Variants in ZNF213 observed in about 807,000 individuals in gnomAD.
ZNF213 encodes zinc finger protein 213, also known as putative transcription factor CR53.
In ZNF213, 32 loss-of-function variants were observed where a neutral mutation model predicts 46.0. The observed-to-expected ratio is 0.70, with a 90% CI of 0.52 to 0.93. The LOEUF is 0.93. Among genes scored for constraint, ZNF213 ranks in the 40% least tolerant of loss-of-function variants. ZNF213 has a pLI of 0.00. For synonymous variants in ZNF213, 297 were observed against 271.0 expected (o/e 1.10, Z -0.94); for missense variants, 639 against 652.8 (o/e 0.98, Z 0.23).
At position 3,141,293 on chromosome 16, in the gene ZNF213, G is replaced by C. The variant is rs751479213; in HGVS notation, c.1326G>C (p.Ala442=). 1.2e-5 allele frequency: 20 copies of C among 1,606,166 alleles called. No homozygotes were observed. In the African/African-American group the frequency reaches 2.3e-4, roughly 18 times the overall value. ...GCGACAAGAGCTTCAAGCAGCGCGC[G>C]CACCTCATCGCGCATCAGAGCCTGC... is the stretch of plus-strand genomic sequence containing the variant. ...GECDKSFKQR[A]HLIAHQSLHA... is the part of the protein sequence containing the mutation. Residue 442 remains alanine, a synonymous_variant, in exon 6 of 6, where the codon GCG becomes GCC. Transcript: ENST00000396878.
Position 3,140,785 on chromosome 16 carries a change from G to T in ZNF213, c.818G>T (p.Ser273Ile). 1.9e-6 allele frequency: 3 copies of T among 1,593,988 alleles called. No individual in the cohort carries two copies. Among genetic ancestry groups the T allele is most frequent in the South Asian group, 1.1e-5 (1 of 88,634 alleles). The change falls in exon 6 of 6, where the codon AGC becomes ATC. Residue 273 changes from serine (S) to isoleucine (I), a missense_variant. Ser to Ile is a moderately radical substitution (Grantham distance 142). Transcript: ENST00000396878. ...QTGSDVTVSW[S>I]PEEAEAWESE... ...GGCAGCGACGTGACTGTGTCCTGGA[G>T]CCCCGAGGAGGCTGAGGCCTGGGAG...
chr16:3,138,333 T>C (rs1255464667), intron 2 of ZNF213, 85 bp from the exon 3 acceptor site: 1 of 1,581,298 alleles, frequency 6.3e-7, no homozygotes. Context: ...CTGAGGGTCA[T>C]GTCCTGTGTC....
chr16:3,137,024 AC>A, intron 1 of ZNF213, 141 bp from the exon 2 acceptor site: 2 of 419,758 alleles, frequency 4.8e-6, no homozygotes, highest in Non-Finnish European at 8.5e-6. Flanking sequence ...AGAGACAGTC[AC>A]ATGAGCAAGG....
chr16:3,138,759 C>T lies in ZNF213; in HGVS notation c.538C>T (p.Leu180Phe), dbSNP rs781462859. The change falls in exon 4 of 6, where the codon CTT becomes TTT. Residue 180 changes from leucine (L) to phenylalanine (F), a missense_variant. Transcript: ENST00000396878. ...QHSHSAQPPA[L>F]LKEGRPGETT... ...TTCTCCTTCAGCCCAGCCTCCTGCTCTTCTTAAAGAGGGTCGTCCCGGAGA... is the reference window on the plus strand; with the variant it reads ...TTCTCCTTCAGCCCAGCCTCCTGCTTTTCTTAAAGAGGGTCGTCCCGGAGA... 15 of 1,614,072 alleles carry T rather than the reference C, an allele frequency of 9.3e-6. No homozygotes were observed. The highest frequency in any genetic ancestry group is 1.2e-5 in the Non-Finnish European group (14 of 1,180,034).
At position 3,138,406 on chromosome 16, in the gene ZNF213, G is replaced by C. The variant is rs1957565333; in HGVS notation, c.400-12G>C. On this transcript the variant is annotated splice_polypyrimidine_tract_variant and intron_variant, in intron 2 of 5. Transcript: ENST00000396878. ...GTCTCGGGCTGATGAGCATGTTGTG[G>C]TTCCTGCACAGGATGTGCCCTCGGA... 1 of 1,613,396 alleles carries C rather than the reference G, an allele frequency of 6.2e-7. No homozygotes were observed. The highest frequency in any genetic ancestry group is 1.3e-5 in the African/African-American group (1 of 75,036).
intron 3 of ZNF213, 41 bp downstream of exon 3, chr16:3,138,582 G>A: frequency 6.2e-7 from 1 of 1,613,602 alleles, no homozygotes; most frequent in South Asian, 1.1e-5. Context: ...GAGTGGCTGG[G>A]CAGGGACCTA....
In ZNF213 at chr16:3,140,830, C is replaced by CG; in HGVS notation, c.865dup (p.Ala289GlyfsTer61). On this transcript the variant is annotated frameshift_variant, in exon 6 of 6. Transcript: ENST00000396878. LOFTEE classifies it high-confidence loss of function. ...TGGGAGAGCGAGAACCGGCCGAGGG[C>CG]GGCCCTGGGCCCAGTGGTGGGCGCG... 1 of 1,586,348 alleles carries CG rather than the reference C, an allele frequency of 6.3e-7. No individual in the cohort carries two copies. Among genetic ancestry groups the CG allele is most frequent in the Non-Finnish European group, 8.5e-7 (1 of 1,170,484 alleles).
rs1312689244 is a variant in ZNF213 at position 3,137,332 on chromosome 16, C to A, written c.52C>A (p.Leu18Ile). 2 of 1,612,728 alleles carry A rather than the reference C, an allele frequency of 1.2e-6. No homozygotes were observed. Among genetic ancestry groups the A allele is most frequent in the Non-Finnish European group, 8.5e-7 (1 of 1,179,114 alleles). Residue 18 changes from leucine to isoleucine, a missense_variant, in exon 2 of 6, where the codon CTT becomes ATT. Coordinates refer to ENST00000396878, the MANE Select transcript of ZNF213 (RefSeq NM_004220.3). ...QDQAPGEGEG[L>I]LIVKVEDSSW... ...CCAGGCCCCTGGGGAGGGAGAAGGG[C>A]TTCTGATTGTGAAAGTGGAAGATTC...
chr16:3,136,834 C>T (rs560457465), intron 1 of ZNF213, among the ~76,000 whole-genome samples: 31 of 152,172 alleles, frequency 2.0e-4, no homozygotes, highest in South Asian at 6.2e-4. Context: ...ATTAATATTT[C>T]CACCATAATT....
chr16:3,142,486 T>A lies in ZNF213; in HGVS notation c.*1139T>A. The A allele has an allele frequency of 5.2e-6, 1 of 190,668 alleles. No homozygotes were observed. Among genetic ancestry groups the A allele is most frequent in the Non-Finnish European group, 1.1e-5 (1 of 90,608 alleles). 11.8% of individuals were successfully genotyped at this position (190,668 alleles called of 1,614,324 possible). On this transcript the variant is annotated 3_prime_UTR_variant, in exon 6 of 6. Coordinates refer to ENST00000396878, the MANE Select transcript of ZNF213 (RefSeq NM_004220.3). The stretch of plus-strand genomic sequence containing the variant: ...TCGGCACTACCACCCCGCTCCATCA[T>A]CACTATGTCCAGCTCCGTCGGCACT...
Position 3,138,748 on chromosome 16 carries a change from A to T in ZNF213, c.527A>T (p.Gln176Leu), listed in dbSNP as rs1195065029. 1 of 1,614,048 alleles carries T rather than the reference A, an allele frequency of 6.2e-7. No individual in the cohort carries two copies. Among genetic ancestry groups the T allele is most frequent in the South Asian group, 1.1e-5 (1 of 91,090 alleles). Residue 176 changes from glutamine to leucine, a missense_variant, in exon 4 of 6, where the codon CAG becomes CTG. By Grantham distance (113) the Gln-to-Leu change is moderately radical (BLOSUM62 -2). Coordinates refer to ENST00000396878, the MANE Select transcript of ZNF213 (RefSeq NM_004220.3). The part of the protein sequence containing the change: ...VPQEQHSHSA[Q>L]PPALLKEGRP... ...AGGCTCCATTCTTCTCCTTCAGCCC[A>T]GCCTCCTGCTCTTCTTAAAGAGGGT...
Position 3,138,984 on chromosome 16 carries a change from G to A in ZNF213, c.607G>A (p.Ala203Thr). 1 of 1,614,212 alleles carries A rather than the reference G, an allele frequency of 6.2e-7. No individual in the cohort carries two copies. Among genetic ancestry groups the A allele is most frequent in the Non-Finnish European group, 8.5e-7 (1 of 1,180,032 alleles). ...CFVSGVHGPV[A>T]LGDIPFYFSR... ...TCTCACCCCATTCCAGGGACCTGTG[G>A]CATTGGGAGACATCCCATTCTATTT... is the stretch of plus-strand genomic sequence containing the variant. Residue 203 changes from alanine to threonine, a missense_variant, in exon 5 of 6, where the codon GCA (alanine) becomes ACA (threonine). Ala to Thr is a moderately conservative substitution (Grantham distance 58). Transcript: ENST00000396878.
At position 3,141,239 on chromosome 16, in the gene ZNF213, C is replaced by G. The variant is rs771446960; in HGVS notation, c.1272C>G (p.Thr424=). The G allele has an allele frequency of 6.2e-7, 1 of 1,612,474 alleles. No homozygotes were observed. The highest frequency in any genetic ancestry group is 8.5e-7 in the Non-Finnish European group (1 of 1,179,898). ...SYLLDHRRVH[T]GERPFGCGEC... ...TGCTGGACCATCGGCGTGTGCACAC[C>G]GGTGAGCGGCCCTTCGGCTGCGGAG... The change falls in exon 6 of 6, where the codon ACC becomes ACG. Residue 424 remains threonine (T), a synonymous_variant. Coordinates refer to ENST00000396878, the MANE Select transcript of ZNF213 (RefSeq NM_004220.3).
intron 2 of ZNF213, chr16:3,138,050 G>T (rs1361372777): frequency 6.6e-6 from 3 of 457,408 alleles, no homozygotes; most frequent in African/African-American, 4.0e-5. Context: ...GAGCTGTCCG[G>T]GGCCTCTGCT....
intron 5 of ZNF213, 136 bp from the exon 6 acceptor site, chr16:3,140,553 G>T: frequency 7.9e-7 from 1 of 1,264,232 alleles, no homozygotes. Flanking sequence ...TGAGGAACCT[G>T]AGAATTCAGC....
chr16:3,136,722 A>C (rs1957542565), intron 1 of ZNF213, among the ~76,000 whole-genome samples: 1 of 141,912 alleles, frequency 7.0e-6, no homozygotes. Context: ...CTCTCAGTAA[A>C]AAAAAAAAAA....
chr16:3,141,157 G>A lies in ZNF213; in HGVS notation c.1190G>A (p.Gly397Asp), dbSNP rs774955927. The A allele has an allele frequency of 6.2e-6, 10 of 1,612,552 alleles. 1 individual carries two copies. The South Asian group carries it at 9.9e-5, about 16-fold the overall frequency. ...GCCGACCACCAGCGCATACACACGGGCGAGAAGCCTTTCGGCTGCAGCGAC... is the reference window on the plus strand; with the variant it reads ...GCCGACCACCAGCGCATACACACGGACGAGAAGCCTTTCGGCTGCAGCGAC... ...YLADHQRIHT[G>D]EKPFGCSDCG... Residue 397 changes from glycine (G) to aspartate (D), a missense_variant, in exon 6 of 6, where the codon GGC becomes GAC. Transcript: ENST00000396878.
chr16:3,142,026 ATGG>A lies in ZNF213; in HGVS notation c.*683_*685del, dbSNP rs2141542487. 1 of 157,072 alleles carries A rather than the reference ATGG, an allele frequency of 6.4e-6. No homozygotes were observed. The highest frequency in any genetic ancestry group is 1.9e-4 in the East Asian group (1 of 5,210). The allele number at this position is 157,072 out of a possible 1,614,324, so 9.7% of individuals were successfully genotyped here. On this transcript the variant is annotated 3_prime_UTR_variant, in exon 6 of 6. Coordinates refer to ENST00000396878, the MANE Select transcript of ZNF213 (RefSeq NM_004220.3). ...CCTGCCCACCAATCTGGTGAGGATA[ATGG>A]TGGCTCCAGCGACAGGAGGCCAACC...
chr16:3,137,204 A>T lies in ZNF213; in HGVS notation c.-77A>T. 6.7e-7 allele frequency: 1 copy of T among 1,498,092 alleles called. No individual in the cohort carries two copies. The highest frequency in any genetic ancestry group is 1.3e-5 in the South Asian group (1 of 74,314). 92.8% of individuals were successfully genotyped at this position (1,498,092 alleles called of 1,614,324 possible). On this transcript the variant is annotated 5_prime_UTR_variant, in exon 2 of 6. Transcript: ENST00000396878. ...GATGCCAGCCCAGCTACCACAGGGG[A>T]TCCCTCTGGGAGACTGAAAGTACAG...
Sources: allele counts gnomAD v4.1 joint callset (sites outside exome capture counted in the v4.1 genomes callset), GRCh38; gene constraint gnomAD v4.1.1; transcripts MANE v1.5; gene names NCBI Gene and HGNC (gene_info 2026-07-23, HGNC 2026-07-21).